VGLL4: variants seen among roughly 807,000 people sequenced by gnomAD.
The protein encoded by VGLL4 is transcription cofactor vestigial-like protein 4.
VGLL4 carries 7 observed loss-of-function variants against 21.0 expected under a neutral mutation model. That is an observed-to-expected ratio of 0.33 (90% CI 0.19 to 0.63). The LOEUF (loss-of-function observed/expected upper bound fraction) is 0.63. Ranked by LOEUF, VGLL4 falls within the 20% of genes least tolerant of loss-of-function variation. VGLL4 has a pLI of 0.78. For synonymous variants in VGLL4, 222 were observed against 173.2 expected, an observed-to-expected ratio of 1.28 and a Z score of -2.21; for missense variants, 394 against 425.7, an observed-to-expected ratio of 0.93 and a Z score of 0.66.
At chr3:11,571,635 C>T (rs2073780804) in intron 2 of VGLL4, among the ~76,000 whole-genome samples, 1 of 152,200 alleles carries the variant, frequency 6.6e-6, no homozygotes, top group Admixed American at 6.5e-5. Flanking sequence ...CCACTGCACT[C>T]CAGCCTGGGC....
chr3:11,684,439 G>A (rs2125384887), intron 2 of VGLL4, among the ~76,000 whole-genome samples: 1 of 152,026 alleles, frequency 6.6e-6, no homozygotes, highest in South Asian at 2.1e-4. Flanking sequence ...GGAATGCAAT[G>A]GCATGATCAT....
Position 11,558,563 on chromosome 3 carries a change from A to T in VGLL4, c.884T>A (p.Val295Asp). 2 of 1,599,544 alleles carry T rather than the reference A, an allele frequency of 1.3e-6. No individual in the cohort carries two copies. The highest frequency in any genetic ancestry group is 1.7e-6 in the Non-Finnish European group (2 of 1,179,288). ...MVSHSHSPSVVS is the reference protein window; with the variant it reads ...MVSHSHSPSVDS ...TTGGAGGAGGCGCTCCCTTCAGGAG[A>T]CCACAGAGGGGGAGTGACTGTGGCT... is the stretch of plus-strand genomic sequence containing the variant. Residue 295 changes from valine (V) to aspartate (D), a missense_variant, in exon 5 of 5, where the codon GTC becomes GAC. Val to Asp is a radical substitution (Grantham distance 152, BLOSUM62 -3). Transcript: ENST00000430365.
chr3:11,633,189 C>A (rs1007984036), intron 1 of VGLL4: 1 of 152,162 alleles, frequency 6.6e-6, no homozygotes, highest in Admixed American at 6.5e-5. Context: ...TCAAAAGACA[C>A]TGGAGTCATT....
At chr3:11,652,231 AT>A (rs2075882848) in intron 2 of VGLL4, among the ~76,000 whole-genome samples, 1 of 152,212 alleles carries the variant, frequency 6.6e-6, no homozygotes, top group Non-Finnish European at 1.5e-5. Context: ...AATAAACCTT[AT>A]TTTATTTAAT....
chr3:11,677,909 C>CAA (rs35366594), intron 2 of VGLL4, among the ~76,000 whole-genome samples: 60,830 of 120,382 alleles, frequency 0.51, 15,618 homozygotes, highest in Middle Eastern at 0.6. Context: ...CTTCGTCTTT[C>CAA]AAAAAAAAAA....
chr3:11,558,965 C>G, intron 4 of VGLL4, 138 bp from the exon 5 acceptor site: 1 of 1,050,488 alleles, frequency 9.5e-7, no homozygotes, highest in Non-Finnish European at 1.4e-6. Flanking sequence ...CAGAACCCAC[C>G]TCCCCCGGCT....
chr3:11,705,667 A>T (rs1181926759), intron 1 of VGLL4, among the ~76,000 whole-genome samples: 1 of 152,260 alleles, frequency 6.6e-6, no homozygotes, highest in South Asian at 2.1e-4. Context: ...TCTTCACCCA[A>T]GCCAGCTTCC....
At chr3:11,701,235 C>T (rs1191977342) in intron 2 of VGLL4, among the ~76,000 whole-genome samples, 3 of 152,086 alleles carry the variant, frequency 2.0e-5, no homozygotes, top group Admixed American at 2.0e-4. Context: ...CACTCAAGAG[C>T]TGGTTGTTTA....
At chr3:11,683,981 C>T (rs564446627) in intron 2 of VGLL4, among the ~76,000 whole-genome samples, 3 of 152,170 alleles carry the variant, frequency 2.0e-5, no homozygotes, top group Admixed American at 6.5e-5. Flanking sequence ...GAGGCCAAGG[C>T]GGGTGGATCA....
At position 11,620,075 on chromosome 3, in the gene VGLL4, T is replaced by C. The variant is rs73814937; in HGVS notation, c.83-18053A>G. Among the ~76,000 whole-genome samples the C allele has an allele frequency of 3.7e-3, 568 of 152,232 alleles. 3 individuals carry two copies. Among genetic ancestry groups the C allele is most frequent in the African/African-American group, 0.013 (531 of 41,510 alleles). On this transcript the variant is annotated intron_variant, in intron 1 of 4. Transcript: ENST00000430365. ...CCCGGCAAATTAGTAATCAGGATGT[T>C]GGGTACTGAGAAGAGATGCTCTAGA...
chr3:11,561,891 CT>C (rs35380668), intron 3 of VGLL4, among the ~76,000 whole-genome samples: 62 of 88,604 alleles, frequency 7.0e-4, no homozygotes, highest in African/African-American at 2.0e-3. Flanking sequence ...CTGCGCCAAA[CT>C]TTTTTTTTTT....
chr3:11,690,583 C>T (rs1306187206), intron 2 of VGLL4, among the ~76,000 whole-genome samples: 1 of 151,958 alleles, frequency 6.6e-6, no homozygotes, highest in Non-Finnish European at 1.5e-5. Flanking sequence ...AAAGTAACTA[C>T]AGTCCAGTTA....
chr3:11,565,151 G>A lies in VGLL4; in HGVS notation c.273-132C>T, dbSNP rs1035532418. On this transcript the variant is annotated intron_variant, in intron 2 of 4. Coordinates refer to ENST00000430365, the MANE Select transcript of VGLL4 (RefSeq NM_001128219.3). This position sits in a 1 kb window ranked among gnomAD's most constrained non-coding sequence, Gnocchi z 4.1. ...CTCAGGTCGTGTGGCTGGGCAGCACGATGAGGAGCCGGTTGCCAGCCCGGG... is the reference window on the plus strand; with the variant it reads ...CTCAGGTCGTGTGGCTGGGCAGCACAATGAGGAGCCGGTTGCCAGCCCGGG... 12 of 931,582 alleles carry A rather than the reference G, an allele frequency of 1.3e-5. No homozygotes were observed. The highest frequency in any genetic ancestry group is 3.0e-4 in the Middle Eastern group (1 of 3,372). The allele number at this position is 931,582 out of a possible 1,614,324, so 57.7% of individuals were successfully genotyped here.
chr3:11,641,230 C>T (rs183339115), intron 1 of VGLL4, among the ~76,000 whole-genome samples: 8 of 151,962 alleles, frequency 5.3e-5, no homozygotes, highest in Non-Finnish European at 7.4e-5. Flanking sequence ...ATTAACCATC[C>T]GCATCTTAAT....
In VGLL4 at chr3:11,701,901, C is replaced by G. The variant is rs145417928; in HGVS notation, c.64+1070G>C. Among the ~76,000 whole-genome samples the G allele has an allele frequency of 2.1e-3, 319 of 152,292 alleles. 2 individuals are homozygous for G. The highest frequency in any genetic ancestry group is 4.1e-3 in the South Asian group (20 of 4,828). ...CTTACAATATTGTTTAGCAAGTAAT[C>G]TTAACTTTGAACAAGAACGTTTAAA... On this transcript the variant is annotated intron_variant, in intron 2 of 5. Transcript: ENST00000273038.
chr3:11,559,239 CAG>C (rs753912096), intron 4 of VGLL4, 91 bp downstream of exon 4: 136 of 1,448,728 alleles, frequency 9.4e-5, no homozygotes, highest in African/African-American at 1.1e-4. Flanking sequence ...TAGATGGGCT[CAG>C]GGGCGAGAGG....
chr3:11,701,049 G>C (rs2076674173), intron 2 of VGLL4, among the ~76,000 whole-genome samples: 1 of 152,088 alleles, frequency 6.6e-6, no homozygotes, highest in South Asian at 2.1e-4. Context: ...GTGGTGGCAG[G>C]AGGGTGGGAA....
intron 2 of VGLL4, among the ~76,000 whole-genome samples, chr3:11,652,180 G>C (rs1286480010): frequency 6.6e-6 from 1 of 152,072 alleles, no homozygotes; most frequent in South Asian, 2.1e-4. Context: ...TGCAGAATTC[G>C]TGCTATTCTT....
At chr3:11,717,246 C>T (rs2076932167) in intron 1 of VGLL4, among the ~76,000 whole-genome samples, 2 of 144,154 alleles carry the variant, frequency 1.4e-5, no homozygotes, top group South Asian at 2.2e-4. Flanking sequence ...TTTTATTTTT[C>T]CTTCCTGAGC....
Sources: allele counts gnomAD v4.1 joint callset (sites outside exome capture counted in the v4.1 genomes callset), GRCh38; gene constraint gnomAD v4.1.1; non-coding constraint Gnocchi (gnomAD v3.1); transcripts MANE v1.5; gene names NCBI Gene and HGNC (gene_info 2026-07-23, HGNC 2026-07-21).